CSMD1: variants seen among roughly 807,000 people sequenced by gnomAD.
CSMD1 encodes CUB and sushi domain-containing protein 1.
CSMD1 carries 213 observed loss-of-function variants against 417.5 expected under a neutral mutation model. The ratio of observed to expected loss-of-function variants is 0.51; its 90% CI spans 0.46 to 0.57. The LOEUF (loss-of-function observed/expected upper bound fraction) is 0.57, where lower values mean the gene tolerates loss of function less well. Ranked by LOEUF, CSMD1 falls within the 20% of genes least tolerant of loss-of-function variation. CSMD1 has a pLI of 0.00. For synonymous variants in CSMD1, 2,862 were observed against 1,736.8 expected (o/e 1.65, Z -16.11); for missense variants, 6,923 against 4,529.7 (o/e 1.53, Z -15.17).
intron 3 of CSMD1, among the ~76,000 whole-genome samples, chr8:4,363,324 G>A (rs1301870999): frequency 6.6e-6 from 1 of 152,002 alleles, no homozygotes; most frequent in African/African-American, 2.4e-5. Flanking sequence ...TATACTACAG[G>A]TACCCTGCAT....
intron 5 of CSMD1, among the ~76,000 whole-genome samples, chr8:3,962,697 G>T (rs1380546271): frequency 6.6e-6 from 1 of 152,176 alleles, no homozygotes; most frequent in African/African-American, 2.4e-5. Context: ...GTGTGGTGCA[G>T]AGGTGCGGCC....
intron 54 of CSMD1, 48 bp downstream of exon 54, chr8:2,997,963 C>T: frequency 4.4e-6 from 7 of 1,577,872 alleles, no homozygotes; most frequent in Non-Finnish European, 6.0e-6. Context: ...ACTGGGCAGC[C>T]TAGAACACTC....
chr8:3,536,337 A>G (rs74632746), intron 10 of CSMD1, among the ~76,000 whole-genome samples: 1 of 152,228 alleles, frequency 6.6e-6, no homozygotes, highest in Admixed American at 6.5e-5. Context: ...TGTGGCTTCA[A>G]TTAATGTTAA....
intron 2 of CSMD1, among the ~76,000 whole-genome samples, chr8:4,462,597 GAA>G (rs1799902636): frequency 6.6e-6 from 1 of 152,058 alleles, no homozygotes; most frequent in Non-Finnish European, 1.5e-5. Context: ...CACTTTCTAG[GAA>G]ACCGCATTGA....
chr8:4,265,620 G>C (rs1364202185), intron 3 of CSMD1, among the ~76,000 whole-genome samples: 1 of 105,112 alleles, frequency 9.5e-6, no homozygotes, highest in African/African-American at 2.6e-5. Flanking sequence ...TAAAAATAAT[G>C]AGATTAAAAA....
intron 6 of CSMD1, among the ~76,000 whole-genome samples, chr8:3,744,870 G>A (rs1796991102): frequency 6.6e-6 from 1 of 152,178 alleles, no homozygotes; most frequent in Admixed American, 6.5e-5. Context: ...CACAGATAGA[G>A]TAAGGGATGG....
intron 17 of CSMD1, among the ~76,000 whole-genome samples, chr8:3,390,024 T>C (rs2116824294): frequency 6.6e-6 from 1 of 152,052 alleles, no homozygotes; most frequent in South Asian, 2.1e-4. Context: ...ACTGGCCATG[T>C]AAAAGAATCC....
At chr8:3,824,983 A>C (rs79047284) in intron 5 of CSMD1, among the ~76,000 whole-genome samples, 16,178 of 152,180 alleles carry the variant, frequency 0.11, 2,112 homozygotes, top group African/African-American at 0.31. Flanking sequence ...ATAAACACAT[A>C]TTTTTAAAAT....
At chr8:3,470,812 T>A (rs1162474086) in intron 11 of CSMD1, among the ~76,000 whole-genome samples, 1 of 152,226 alleles carries the variant, frequency 6.6e-6, no homozygotes, top group Non-Finnish European at 1.5e-5. Flanking sequence ...CTTAGCTTAA[T>A]TCCTGGAAGA....
At position 3,983,088 on chromosome 8, in the gene CSMD1, T is replaced by C. The variant is rs1285418893; in HGVS notation, c.818+14815A>G. ...TCTTTTCCCCAGGAGCCTCTAATGA[T>C]GTAAAACGCCTCAGACATCGTTATG... is the stretch of plus-strand genomic sequence containing the variant. On this transcript the variant is annotated intron_variant, in intron 5 of 69. Transcript: ENST00000635120. Among the ~76,000 whole-genome samples, 3 of 151,382 alleles carry C rather than the reference T, an allele frequency of 2.0e-5. No homozygotes were observed. In the East Asian group the frequency reaches 5.8e-4, roughly 29 times the overall value.
At chr8:4,713,285 T>C (rs906166275) in intron 1 of CSMD1, among the ~76,000 whole-genome samples, 8 of 152,264 alleles carry the variant, frequency 5.3e-5, no homozygotes, top group Admixed American at 3.9e-4. Context: ...TAGTTTAAGT[T>C]GGTTTTTGGA....
At chr8:4,497,775 A>C (rs1006652977) in intron 2 of CSMD1, among the ~76,000 whole-genome samples, 1 of 152,220 alleles carries the variant, frequency 6.6e-6, no homozygotes, top group African/African-American at 2.4e-5. Context: ...AATATGTGTA[A>C]GGTCTGAAGC....
chr8:4,832,105 T>A (rs188439275), intron 1 of CSMD1, among the ~76,000 whole-genome samples: 2 of 152,200 alleles, frequency 1.3e-5, no homozygotes, highest in Admixed American at 6.5e-5. Flanking sequence ...GAACCTTTTG[T>A]GTACTGTTCA....
intron 10 of CSMD1, among the ~76,000 whole-genome samples, chr8:3,544,718 G>C (rs1206970727): frequency 6.6e-6 from 1 of 152,036 alleles, no homozygotes; most frequent in East Asian, 1.9e-4. Flanking sequence ...GACTAGACGG[G>C]GTTCAGGGAG....
intron 3 of CSMD1, among the ~76,000 whole-genome samples, chr8:4,252,660 C>A (rs1415296132): frequency 1.3e-5 from 2 of 152,218 alleles, no homozygotes; most frequent in Non-Finnish European, 2.9e-5. Flanking sequence ...AAAAATGGAA[C>A]AGGCTTTTAT....
At chr8:4,810,421 G>T (rs951333502) in intron 1 of CSMD1, among the ~76,000 whole-genome samples, 5 of 152,148 alleles carry the variant, frequency 3.3e-5, no homozygotes, top group Non-Finnish European at 7.3e-5. Context: ...AACTCACTAT[G>T]CAGGGAAACT....
intron 3 of CSMD1, among the ~76,000 whole-genome samples, chr8:4,114,318 G>C (rs1802018585): frequency 6.6e-6 from 1 of 152,180 alleles, no homozygotes; most frequent in South Asian, 2.1e-4. Context: ...AAGTCTGGAT[G>C]AGACCACATC....
At chr8:4,715,009 A>G (rs934038204) in intron 1 of CSMD1, among the ~76,000 whole-genome samples, 30 of 152,314 alleles carry the variant, frequency 2.0e-4, no homozygotes, top group African/African-American at 7.0e-4. Flanking sequence ...CAATAATTTC[A>G]TATCATTTTA....
rs966051044 is a variant in CSMD1 at position 3,199,698 on chromosome 8, G to A, written c.5194+16C>T. Reference sequence around the variant, plus strand: ...AGACCACAGTGACATGTGGAGACATGTGGAGTGACGCTTACCTTGATACAC... The same window carrying A: ...AGACCACAGTGACATGTGGAGACATATGGAGTGACGCTTACCTTGATACAC... On this transcript the variant is annotated intron_variant, in intron 33 of 69. Transcript: ENST00000635120. 8 of 1,550,452 alleles carry A rather than the reference G, an allele frequency of 5.2e-6. No homozygotes were observed. The South Asian group carries it at 8.3e-5, about 16-fold the overall frequency.
Sources: gnomAD v4.1 joint callset for allele counts (sites outside exome capture counted in the v4.1 genomes callset) on GRCh38, gnomAD v4.1.1 for gene constraint, MANE v1.5 for transcripts, NCBI Gene and HGNC (gene_info 2026-07-23, HGNC 2026-07-21) for gene names.